SOS1: variants seen among roughly 807,000 people sequenced by gnomAD.
The protein encoded by SOS1 is son of sevenless homolog 1.
In SOS1, 25 loss-of-function variants were observed where a neutral mutation model predicts 157.6. The observed-to-expected ratio is 0.16, with a 90% CI of 0.12 to 0.22. The LOEUF is 0.22. SOS1 is among the 10% of genes least tolerant of loss of function. The pLI is 1.00. For synonymous variants in SOS1, 528 were observed against 534.0 expected, an observed-to-expected ratio of 0.99 and a Z score of 0.16; for missense variants, 1,237 against 1,599.1, an observed-to-expected ratio of 0.77 and a Z score of 3.86.
intron 6 of SOS1, among the ~76,000 whole-genome samples, chr2:39,049,608 G>GA (rs1670925997): frequency 6.6e-6 from 1 of 152,032 alleles, no homozygotes; most frequent in Non-Finnish European, 1.5e-5. Flanking sequence ...CTGAGAATTA[G>GA]AATTTGCCTT....
chr2:39,055,046 C>A (rs1671161544), intron 4 of SOS1, among the ~76,000 whole-genome samples: 1 of 152,174 alleles, frequency 6.6e-6, no homozygotes. Flanking sequence ...TCTATCACTA[C>A]TAGTATTTAT....
chr2:39,072,520 A>G (rs974213396), intron 1 of SOS1, among the ~76,000 whole-genome samples: 6 of 152,232 alleles, frequency 3.9e-5, no homozygotes, highest in African/African-American at 1.4e-4. Flanking sequence ...TTAATTATGT[A>G]GAGTTGTATA....
At chr2:39,072,771 T>C (rs181489452) in intron 1 of SOS1, among the ~76,000 whole-genome samples, 5 of 152,322 alleles carry the variant, frequency 3.3e-5, no homozygotes, top group East Asian at 1.9e-4. Flanking sequence ...TCTAAGCTTC[T>C]AGACATTAAC....
chr2:39,021,525 GAA>G (rs70954777), intron 10 of SOS1, among the ~76,000 whole-genome samples: 5,767 of 104,754 alleles, frequency 0.055, 145 homozygotes, highest in South Asian at 0.079. Flanking sequence ...TGCTCTACAG[GAA>G]AAAAAAAAAA....
At chr2:38,990,071 A>ATAT (rs1558457286) in intron 20 of SOS1, among the ~76,000 whole-genome samples, 1 of 152,124 alleles carries the variant, frequency 6.6e-6, no homozygotes, top group Non-Finnish European at 1.5e-5. Flanking sequence ...TTGTTTGTAC[A>ATAT]GTGTCTCATA....
At chr2:38,989,169 A>G (rs1668643693) in intron 21 of SOS1, 101 bp downstream of exon 21, 1 of 796,054 alleles carries the variant, frequency 1.3e-6, no homozygotes, top group East Asian at 2.6e-5. Flanking sequence ...CAAGGTACCA[A>G]TGCTGCCAGA....
chr2:39,054,247 T>C lies in SOS1; in HGVS notation c.720+367A>G, dbSNP rs558751240. On this transcript the variant is annotated intron_variant, in intron 5 of 22. Transcript: ENST00000402219. ...CAGCAGAACTGTTTCTTATTCATCT[T>C]TGAATCCCTGCTGCCAAGCATGGTA... Among the ~76,000 whole-genome samples the C allele has an allele frequency of 2.6e-5, 4 of 152,322 alleles. No individual in the cohort carries two copies. In the South Asian group the frequency reaches 6.2e-4, roughly 24 times the overall value.
At chr2:39,017,219 A>G (rs1195011434) in intron 10 of SOS1, among the ~76,000 whole-genome samples, 2 of 152,056 alleles carry the variant, frequency 1.3e-5, no homozygotes, top group African/African-American at 4.8e-5. Context: ...GCTCTTTTCT[A>G]TCATATCGTA....
Position 39,120,446 on chromosome 2 carries a change from CG to C in SOS1, c.-25del, listed in dbSNP as rs1673830355. The C allele has an allele frequency of 6.4e-7, 1 of 1,558,614 alleles. No individual in the cohort carries two copies. The highest frequency in any genetic ancestry group is 8.7e-7 in the Non-Finnish European group (1 of 1,154,494). ...ATGGTGCCCCCGGGGCGCCTCTGGG[CG>C]GGGAGAGGGGCGGCGGCGGCCGGGC... On this transcript the variant is annotated 5_prime_UTR_variant, in exon 1 of 23. Transcript: ENST00000402219.
At chr2:39,010,498 T>A in intron 15 of SOS1, 86 bp downstream of exon 15, 1 of 1,294,682 alleles carries the variant, frequency 7.7e-7, no homozygotes, top group South Asian at 1.2e-5. Context: ...CAAAACTCCG[T>A]CTCAAAAAAA....
chr2:39,010,563 A>T, intron 15 of SOS1, 21 bp downstream of exon 15: 1 of 1,604,130 alleles, frequency 6.2e-7, no homozygotes, highest in South Asian at 1.1e-5. Flanking sequence ...TATAAAATAT[A>T]AGAATGCTAG....
rs548329468 is a variant in SOS1, at chr2:39,084,404, T to C, written c.88-16651A>G. ...TATGTGTAATTATAAATTAAGTATA[T>C]ATTTATACACGAGCAGGACAGCATG... On this transcript the variant is annotated intron_variant, in intron 1 of 22. Transcript: ENST00000402219. Among the ~76,000 whole-genome samples, 33 of 152,228 alleles carry C rather than the reference T, an allele frequency of 2.2e-4. No homozygotes were observed. The South Asian group carries it at 5.4e-3, about 25-fold the overall frequency.
upstream of SOS1, among the ~76,000 whole-genome samples, chr2:39,122,381 G>A (rs752745988): frequency 8.6e-5 from 13 of 151,846 alleles, no homozygotes; most frequent in South Asian, 2.1e-4. Flanking sequence ...AGTGAGCCGG[G>A]ATCATGCCAC....
intron 9 of SOS1, 68 bp from the exon 10 acceptor site, chr2:39,023,293 G>A: frequency 8.3e-7 from 1 of 1,205,996 alleles, no homozygotes; most frequent in Middle Eastern, 1.9e-4. Flanking sequence ...GTAAGTAAGG[G>A]AAAGTGTAAA....
chr2:39,102,911 C>T (rs770041327), intron 1 of SOS1, among the ~76,000 whole-genome samples: 21 of 151,754 alleles, frequency 1.4e-4, no homozygotes, highest in Non-Finnish European at 1.9e-4. Flanking sequence ...GCTGTGATCA[C>T]GCCACTGCAC....
At chr2:39,038,671 T>G (rs914466383) in intron 6 of SOS1, among the ~76,000 whole-genome samples, 1 of 125,222 alleles carries the variant, frequency 8.0e-6, no homozygotes, top group Non-Finnish European at 1.6e-5. Context: ...GAGGCAGAGG[T>G]TGCAGTGAGC....
chr2:39,032,760 G>C (rs912339682), intron 8 of SOS1, among the ~76,000 whole-genome samples: 1 of 152,090 alleles, frequency 6.6e-6, no homozygotes, highest in Non-Finnish European at 1.5e-5. Flanking sequence ...TCAAGAGTTC[G>C]AGACCAGCCT....
At chr2:39,050,617 C>G (rs943350158) in intron 6 of SOS1, among the ~76,000 whole-genome samples, 2 of 152,128 alleles carry the variant, frequency 1.3e-5, no homozygotes, top group African/African-American at 4.8e-5. Context: ...CTCCAATGAG[C>G]ATTTCCTTTG....
rs572955351 is a variant in SOS1, at chr2:38,995,140, G to C, written c.3329C>G (p.Ser1110Trp). 3.7e-6 allele frequency: 6 copies of C among 1,613,780 alleles called. No homozygotes were observed. Among genetic ancestry groups the C allele is most frequent in the Admixed American group, 3.3e-5 (2 of 59,996 alleles). ...DVCSVFDSDH[S>W]SPFHSSNDTV... is the part of the protein sequence containing the mutation. ...GCACCTACTTGAGTGAAAAGGGCTC[G>C]AATGATCGGAATCAAATACACTGCA... The change falls in exon 20 of 23, where the codon TCG becomes TGG. Residue 1110 changes from serine to tryptophan, a missense_variant. Ser to Trp is a radical substitution (Grantham distance 177, BLOSUM62 -3). This residue lies in a region of SOS1 where 306 missense variants were observed against 322.6 expected (regional missense o/e 0.95). Coordinates refer to ENST00000402219, the MANE Select transcript of SOS1 (RefSeq NM_005633.4).
Sources: gnomAD v4.1 joint callset for allele counts (sites outside exome capture counted in the v4.1 genomes callset) on GRCh38, gnomAD v4.1.1 for gene constraint, gnomAD v4.1.1 regional missense constraint, MANE v1.5 for transcripts, NCBI Gene and HGNC (gene_info 2026-07-23, HGNC 2026-07-21) for gene names.